The following CPED1 variants were observed in gnomAD, a reference collection of about 807,000 sequenced individuals.
CPED1 encodes cadherin-like and PC-esterase domain-containing protein 1.
In CPED1, 114 loss-of-function variants were observed where a neutral mutation model predicts 128.2. The ratio of observed to expected loss-of-function variants is 0.89; its 90% CI spans 0.76 to 1.04. The LOEUF is 1.04. Among genes scored for constraint, CPED1 ranks in the 50% least tolerant of loss-of-function variants. The pLI, the probability that CPED1 is intolerant of heterozygous loss-of-function variation, is 0.00. For synonymous variants in CPED1, 462 were observed against 426.7 expected, an observed-to-expected ratio of 1.08 and a Z score of -1.02; for missense variants, 1,211 against 1,207.1, an observed-to-expected ratio of 1.00 and a Z score of -0.05.
In CPED1 at chr7:121,212,950, T is replaced by C. The variant is rs979708325; in HGVS notation, c.2056-23764T>C. On this transcript the variant is annotated intron_variant, in intron 16 of 22. Transcript: ENST00000310396. ...AGTGACCCTGCATGAAGTGGAAAGA[T>C]GCGTTGAGGCTTTTTTCCGGGGGGG... 2.6e-5 allele frequency among the ~76,000 whole-genome samples: 4 copies of C among 152,136 alleles called. No homozygotes were observed. The South Asian group carries it at 8.3e-4, about 32-fold the overall frequency.
intron 16 of CPED1, among the ~76,000 whole-genome samples, chr7:121,144,358 TAA>T (rs1418206446): frequency 1.3e-5 from 2 of 152,020 alleles, no homozygotes; most frequent in Non-Finnish European, 2.9e-5. Flanking sequence ...TACTCAGCCA[TAA>T]AAATGATATC....
At chr7:121,072,318 A>G (rs1016476398) in intron 5 of CPED1, among the ~76,000 whole-genome samples, 3 of 152,108 alleles carry the variant, frequency 2.0e-5, no homozygotes, top group Admixed American at 6.6e-5. Flanking sequence ...CACCACCACC[A>G]CAAAGAAAAT....
At chr7:121,051,492 C>T in intron 4 of CPED1, 1 of 464,918 alleles carries the variant, frequency 2.2e-6, no homozygotes. Context: ...CTTAACATTC[C>T]ATAGATGGGG....
In CPED1 at chr7:121,271,307, A is replaced by C. The variant is rs1263135492; in HGVS notation, c.2745A>C (p.Lys915Asn). 6.2e-7 allele frequency: 1 copy of C among 1,612,068 alleles called. No homozygotes were observed. The highest frequency in any genetic ancestry group is 1.1e-5 in the South Asian group (1 of 90,866). ...AGAGTGAAGTACAGAACTTATGGAA[A>C]GAAAATTTGATTATTCTGGATACTG... is the stretch of plus-strand genomic sequence containing the variant. ...LTQSEVQNLW[K>N]ENLIILDTAK... The change falls in exon 22 of 23, where the codon AAA becomes AAC. Residue 915 changes from lysine to asparagine, a missense_variant. By Grantham distance (94) the Lys-to-Asn change is moderately conservative. Transcript: ENST00000310396.
intron 2 of CPED1, among the ~76,000 whole-genome samples, chr7:120,995,988 C>T (rs1796396894): frequency 6.8e-6 from 1 of 147,954 alleles, no homozygotes; most frequent in African/African-American, 2.5e-5. Context: ...TCTTCTTCTT[C>T]TTCAATAACT....
At chr7:121,141,043 G>A in intron 15 of CPED1, 30 bp downstream of exon 15, 4 of 1,567,832 alleles carry the variant, frequency 2.6e-6, no homozygotes, top group Non-Finnish European at 2.6e-6. Context: ...GCTGTGTTGA[G>A]ACACTATACT....
intron 16 of CPED1, among the ~76,000 whole-genome samples, chr7:121,160,110 T>TC (rs1796380940): frequency 6.6e-6 from 1 of 151,826 alleles, no homozygotes. Flanking sequence ...CAAATTGTTT[T>TC]TTTTTAATTT....
At chr7:121,246,438 T>C (rs956357734) in intron 18 of CPED1, among the ~76,000 whole-genome samples, 4 of 152,170 alleles carry the variant, frequency 2.6e-5, no homozygotes, top group African/African-American at 7.2e-5. Flanking sequence ...TAGATCAAGG[T>C]GTCAGTATGG....
intron 5 of CPED1, chr7:121,083,799 G>T (rs116305997): frequency 2.4e-4 from 36 of 152,344 alleles, no homozygotes; most frequent in African/African-American, 8.4e-4. Flanking sequence ...AGCACTTTCA[G>T]GGTGGTATGG....
Position 121,268,361 on chromosome 7 carries a change from A to G in CPED1, c.2721+1059A>G, listed in dbSNP as rs148659696. On this transcript the variant is annotated intron_variant, in intron 21 of 22. Transcript: ENST00000310396. ...AGTTCAGAATCAATTCATTTCAGCA[A>G]ACATTTCTTCAGCACTTACTATGTG... Among the ~76,000 whole-genome samples the G allele has an allele frequency of 2.0e-3, 307 of 152,162 alleles. 1 individual carries two copies. The highest frequency in any genetic ancestry group is 7.3e-3 in the South Asian group (35 of 4,820).
intron 9 of CPED1, 94 bp downstream of exon 9, chr7:121,125,986 A>G: frequency 2.2e-6 from 2 of 895,364 alleles, no homozygotes; most frequent in South Asian, 1.4e-5. Flanking sequence ...ATAGTAACCA[A>G]TCAATAAATA....
intron 16 of CPED1, among the ~76,000 whole-genome samples, chr7:121,189,411 C>T (rs1797076683): frequency 6.6e-6 from 1 of 151,918 alleles, no homozygotes; most frequent in Non-Finnish European, 1.5e-5. Flanking sequence ...CACATGGCAA[C>T]AGGAGAGAGA....
chr7:121,296,321 A>G lies in CPED1; in HGVS notation c.*669A>G, dbSNP rs567053947. The stretch of plus-strand genomic sequence containing the variant: ...CAACTTTACACTTCTTGTGTTTTTC[A>G]TAAACATTCCCTCTTGTCTTATCTG... On this transcript the variant is annotated 3_prime_UTR_variant, in exon 23 of 23. Coordinates refer to ENST00000310396, the MANE Select transcript of CPED1 (RefSeq NM_024913.5). 1 of 152,346 alleles carries G rather than the reference A, an allele frequency of 6.6e-6. No homozygotes were observed. The highest frequency in any genetic ancestry group is 2.1e-4 in the South Asian group (1 of 4,830). 9.4% of individuals were successfully genotyped at this position (152,346 alleles called of 1,614,324 possible). A position where few individuals can be genotyped will look rare whatever the true frequency, so the allele number is the denominator to read the frequency against.
Position 121,124,430 on chromosome 7 carries a change from G to A in CPED1, c.1018G>A (p.Val340Ile). 1 of 1,601,780 alleles carries A rather than the reference G, an allele frequency of 6.2e-7. No homozygotes were observed. Among genetic ancestry groups the A allele is most frequent in the Non-Finnish European group, 8.5e-7 (1 of 1,172,916 alleles). Residue 340 changes from valine to isoleucine, a missense_variant, in exon 8 of 23, where the codon GTA becomes ATA. Val to Ile is a conservative substitution (Grantham distance 29, BLOSUM62 3). Coordinates refer to ENST00000310396, the MANE Select transcript of CPED1 (RefSeq NM_024913.5). The part of the protein sequence containing the change: ...AIGKLLLAAE[V>I]FSETSTLGPK... Reference sequence around the variant, plus strand: ...TGGCAAACTACTGCTAGCGGCTGAAGTATTCAGTGAAACATCTACTCTGGG... The same window carrying A: ...TGGCAAACTACTGCTAGCGGCTGAAATATTCAGTGAAACATCTACTCTGGG...
At chr7:121,278,914 A>C (rs1792381591) in intron 22 of CPED1, among the ~76,000 whole-genome samples, 1 of 152,134 alleles carries the variant, frequency 6.6e-6, no homozygotes, top group Admixed American at 6.6e-5. Context: ...TGAAACCTAG[A>C]ATGTCAGTGT....
chr7:121,082,736 G>A (rs1265656585), intron 5 of CPED1, among the ~76,000 whole-genome samples: 3 of 152,146 alleles, frequency 2.0e-5, no homozygotes, highest in African/African-American at 7.2e-5. Context: ...CTGTAAAGCA[G>A]CATATCCATA....
chr7:121,089,863 T>G (rs1391683488), intron 5 of CPED1, among the ~76,000 whole-genome samples: 2 of 152,302 alleles, frequency 1.3e-5, no homozygotes, highest in Admixed American at 6.5e-5. Flanking sequence ...AGCATTTTTC[T>G]TTTTTAAAAA....
At chr7:121,053,598 G>A (rs1386700064) in intron 4 of CPED1, among the ~76,000 whole-genome samples, 1 of 152,098 alleles carries the variant, frequency 6.6e-6, no homozygotes, top group Non-Finnish European at 1.5e-5. Context: ...ATAATATTTT[G>A]AGACTGTAAA....
chr7:121,227,161 C>T (rs1018196265), intron 16 of CPED1, among the ~76,000 whole-genome samples: 1 of 152,054 alleles, frequency 6.6e-6, no homozygotes, highest in Non-Finnish European at 1.5e-5. Context: ...AGGAACCCAG[C>T]GTTGGCCATA....
Sources: allele counts gnomAD v4.1 joint callset (sites outside exome capture counted in the v4.1 genomes callset), GRCh38; gene constraint gnomAD v4.1.1; transcripts MANE v1.5; gene names NCBI Gene and HGNC (gene_info 2026-07-23, HGNC 2026-07-21).